The following NFASC variants were observed in gnomAD, a reference collection of about 807,000 sequenced individuals.
The protein encoded by NFASC is neurofascin, also known as neurofascin homolog.
NFASC carries 43 observed loss-of-function variants against 147.5 expected under a neutral mutation model. That is an observed-to-expected ratio of 0.29 (90% CI 0.23 to 0.38). NFASC has a LOEUF of 0.38. Among genes scored for constraint, NFASC ranks in the 10% least tolerant of loss-of-function variants. The pLI is 1.00. For missense variants in NFASC, 1,320 were observed against 1,689.0 expected, an observed-to-expected ratio of 0.78 and a Z score of 3.83; for synonymous variants, 622 against 665.5, an observed-to-expected ratio of 0.93 and a Z score of 1.01.
chr1:204,945,034 C>A (rs868589956), intron 3 of NFASC: 1 of 152,182 alleles, frequency 6.6e-6, no homozygotes, highest in Admixed American at 6.5e-5. Flanking sequence ...AAAGTAAAAT[C>A]GCTGTCATTC....
intron 1 of NFASC, among the ~76,000 whole-genome samples, chr1:204,895,024 A>G (rs1923665): frequency 0.28 from 42,430 of 152,042 alleles, 10,451 homozygotes; most frequent in East Asian, 0.72. Context: ...TATTCTTTGA[A>G]TCTTTTTACT....
At chr1:204,926,318 C>G (rs954087288) in intron 2 of NFASC, among the ~76,000 whole-genome samples, 3 of 144,684 alleles carry the variant, frequency 2.1e-5, no homozygotes, top group African/African-American at 7.8e-5. Flanking sequence ...TTTTCCTTTT[C>G]AAAGTATCAC....
chr1:204,920,427 C>CTTTTTTTTTTTT (rs11381518), intron 1 of NFASC, among the ~76,000 whole-genome samples: 1 of 119,600 alleles, frequency 8.4e-6, no homozygotes, highest in Non-Finnish European at 1.7e-5. Flanking sequence ...AGGATCTGTC[C>CTTTTTTTTTTTT]TTTTTTTTTT....
chr1:204,956,233 C>T (rs575909564), intron 7 of NFASC, among the ~76,000 whole-genome samples: 1 of 152,306 alleles, frequency 6.6e-6, no homozygotes, highest in South Asian at 2.1e-4. Context: ...AAATGTGATA[C>T]TTAATTGATA....
intron 2 of NFASC, among the ~76,000 whole-genome samples, chr1:204,943,697 C>T (rs1235594396): frequency 6.6e-6 from 1 of 152,222 alleles, no homozygotes; most frequent in African/African-American, 2.4e-5. Flanking sequence ...AGTGCGATCT[C>T]ATCTCTGTGC....
chr1:204,831,437 G>T (rs1203085984), intron 1 of NFASC, among the ~76,000 whole-genome samples: 3 of 151,502 alleles, frequency 2.0e-5, no homozygotes, highest in African/African-American at 7.3e-5. Flanking sequence ...TTGCATTTCT[G>T]GGGTGGGTGG....
intron 2 of NFASC, among the ~76,000 whole-genome samples, chr1:204,934,292 G>A (rs996344853): frequency 6.6e-6 from 1 of 151,994 alleles, no homozygotes; most frequent in Non-Finnish European, 1.5e-5. Flanking sequence ...AGGTAGAGGT[G>A]GGCAGGAGGA....
chr1:204,875,701 G>T (rs2078645744), intron 1 of NFASC, among the ~76,000 whole-genome samples: 1 of 152,076 alleles, frequency 6.6e-6, no homozygotes, highest in East Asian at 1.9e-4. Flanking sequence ...CCCCTGCTGT[G>T]GGTTCTTTGT....
chr1:204,957,896 G>C (rs1014599410), intron 8 of NFASC, 70 bp downstream of exon 8: 1 of 1,456,708 alleles, frequency 6.9e-7, no homozygotes, highest in Non-Finnish European at 9.6e-7. Flanking sequence ...CCAGCCCTAG[G>C]TACCTGAGTC....
chr1:204,955,052 T>C (rs1171286497), intron 7 of NFASC, 101 bp downstream of exon 7: 4 of 1,435,596 alleles, frequency 2.8e-6, no homozygotes, highest in African/African-American at 1.4e-5. Flanking sequence ...AAGGCCTTGA[T>C]TTGTGAGAGG....
intron 26 of NFASC, 78 bp from the exon 27 acceptor site, chr1:205,002,518 C>A: frequency 1.6e-6 from 2 of 1,212,980 alleles, no homozygotes; most frequent in Non-Finnish European, 2.2e-6. Flanking sequence ...CTACCTTTGA[C>A]AGGTGACCAG....
At chr1:204,957,201 T>C (rs562257121) in intron 7 of NFASC, among the ~76,000 whole-genome samples, 2 of 152,358 alleles carry the variant, frequency 1.3e-5, no homozygotes, top group South Asian at 4.1e-4. Context: ...GACTCCTATA[T>C]GCCGAGTCCT....
Position 204,932,979 on chromosome 1 carries a change from A to G in NFASC, c.-90-11247A>G, listed in dbSNP as rs978212649. Among the ~76,000 whole-genome samples the G allele has an allele frequency of 2.6e-5, 4 of 152,282 alleles. No individual in the cohort carries two copies. The East Asian group carries it at 7.7e-4, about 29-fold the overall frequency. The stretch of plus-strand genomic sequence containing the variant: ...GATCACATGTGTAAGGTATGGAGGC[A>G]CAGATGGTGTGCTACAGCATGCAGT... On this transcript the variant is annotated intron_variant, in intron 2 of 29. Coordinates refer to ENST00000339876, the MANE Select transcript of NFASC (RefSeq NM_001005388.3).
chr1:205,012,965 G>A, intron 29 of NFASC, 99 bp downstream of exon 29: 5 of 844,174 alleles, frequency 5.9e-6, no homozygotes, highest in Non-Finnish European at 1.0e-5. Context: ...GAGAGGCCAT[G>A]AGTAGCTGTC....
intron 1 of NFASC, among the ~76,000 whole-genome samples, chr1:204,883,046 T>TAG (rs2080591076): frequency 6.6e-6 from 1 of 151,778 alleles, no homozygotes; most frequent in South Asian, 2.1e-4. Flanking sequence ...GCATAAGGGC[T>TAG]AGAGGTAGGG....
chr1:204,849,952 G>A (rs571894241), intron 1 of NFASC, among the ~76,000 whole-genome samples: 3 of 152,204 alleles, frequency 2.0e-5, no homozygotes, highest in Non-Finnish European at 2.9e-5. Context: ...GTCTGGCACT[G>A]TGACGGTACT....
chr1:204,995,202 C>G (rs570228624), intron 24 of NFASC, among the ~76,000 whole-genome samples: 2 of 152,076 alleles, frequency 1.3e-5, no homozygotes, highest in Admixed American at 6.5e-5. Context: ...CACAGAGCAG[C>G]GGAAAGAGCC....
chr1:204,946,861 C>A, intron 3 of NFASC: 1 of 469,244 alleles, frequency 2.1e-6, no homozygotes, highest in Admixed American at 2.2e-5. Flanking sequence ...GCGAGGCCAG[C>A]CGCCCTGGAC....
At chr1:204,961,022 C>T (rs975828952) in intron 8 of NFASC, among the ~76,000 whole-genome samples, 5 of 152,200 alleles carry the variant, frequency 3.3e-5, no homozygotes, top group East Asian at 3.9e-4. Flanking sequence ...TGTTGTCCCT[C>T]GAGCAGTTGG....
Sources: allele counts gnomAD v4.1 joint callset (sites outside exome capture counted in the v4.1 genomes callset), GRCh38; gene constraint gnomAD v4.1.1; transcripts MANE v1.5; gene names NCBI Gene and HGNC (gene_info 2026-07-23, HGNC 2026-07-21).